The following FAT3 variants were observed in gnomAD, a reference collection of about 807,000 sequenced individuals.
FAT3 encodes the protein protocadherin Fat 3.
FAT3 carries 95 observed loss-of-function variants against 310.2 expected under a neutral mutation model. The observed-to-expected ratio is 0.31, with a 90% confidence interval of 0.26 to 0.36. FAT3 has a LOEUF of 0.36. FAT3 is among the 10% of genes least tolerant of loss of function. The pLI is 1.00. For synonymous variants in FAT3, 2,314 were observed against 2,192.9 expected, an observed-to-expected ratio of 1.06 and a Z score of -1.54; for missense variants, 5,408 against 5,715.6, an observed-to-expected ratio of 0.95 and a Z score of 1.74.
At chr11:92,614,392 C>T (rs568565525) in intron 3 of FAT3, among the ~76,000 whole-genome samples, 1 of 152,300 alleles carries the variant, frequency 6.6e-6, no homozygotes, top group African/African-American at 2.4e-5. Flanking sequence ...CATTTCCCAA[C>T]ATTTTTATCA....
At chr11:92,365,662 A>G (rs980518986) in intron 2 of FAT3, among the ~76,000 whole-genome samples, 4 of 152,222 alleles carry the variant, frequency 2.6e-5, no homozygotes, top group Non-Finnish European at 5.9e-5. Context: ...CCTGTGTGGC[A>G]GGGCCAAGCA....
chr11:92,304,575 C>T (rs925154741), intron 1 of FAT3, among the ~76,000 whole-genome samples: 1 of 152,026 alleles, frequency 6.6e-6, no homozygotes, highest in African/African-American at 2.4e-5. Context: ...ATACTCAAAC[C>T]ACCTCTGCAG....
chr11:92,272,981 A>G lies in FAT3; in HGVS notation c.-18+47807A>G, dbSNP rs114423844. Among the ~76,000 whole-genome samples the G allele has an allele frequency of 6.5e-3, 983 of 152,228 alleles. 15 individuals carry two copies. Among genetic ancestry groups the G allele is most frequent in the African/African-American group, 0.022 (918 of 41,546 alleles). On this transcript the variant is annotated intron_variant, in intron 1 of 27. Transcript: ENST00000525166. Reference sequence around the variant, plus strand: ...CTTACTCCAAGGGGCCTGGAGGACTATGTTTTTTCATAAACAGATTTTTCC... The same window carrying G: ...CTTACTCCAAGGGGCCTGGAGGACTGTGTTTTTTCATAAACAGATTTTTCC...
At chr11:92,362,056 T>C (rs906953755) in intron 2 of FAT3, among the ~76,000 whole-genome samples, 1 of 152,216 alleles carries the variant, frequency 6.6e-6, no homozygotes, top group Non-Finnish European at 1.5e-5. Context: ...ATTTTCTTTT[T>C]TTTCTATATC....
At chr11:92,805,417 T>G in intron 11 of FAT3, 68 bp downstream of exon 11, 1 of 1,492,082 alleles carries the variant, frequency 6.7e-7, no homozygotes, top group African/African-American at 1.4e-5. Context: ...CCCATTTCAC[T>G]TTTCTTCTTA....
intron 3 of FAT3, among the ~76,000 whole-genome samples, chr11:92,626,311 T>C (rs1345824996): frequency 6.6e-6 from 1 of 152,230 alleles, no homozygotes; most frequent in Non-Finnish European, 1.5e-5. Context: ...TAGCCTGATT[T>C]AATTCCCTGA....
chr11:92,872,325 A>C (rs1310545174), intron 22 of FAT3, among the ~76,000 whole-genome samples: 2 of 152,236 alleles, frequency 1.3e-5, no homozygotes, highest in East Asian at 3.9e-4. Context: ...AATGGATGCC[A>C]CTGGTGTGGC....
intron 2 of FAT3, among the ~76,000 whole-genome samples, chr11:92,424,216 T>G (rs1379149193): frequency 6.6e-6 from 1 of 152,154 alleles, no homozygotes; most frequent in Non-Finnish European, 1.5e-5. Flanking sequence ...GTTGTGACCT[T>G]GTGGTTTCTT....
At chr11:92,272,148 A>G (rs1946138437) in intron 1 of FAT3, among the ~76,000 whole-genome samples, 1 of 152,110 alleles carries the variant, frequency 6.6e-6, no homozygotes, top group Non-Finnish European at 1.5e-5. Flanking sequence ...CACACATCAG[A>G]TGGAGAGGTG....
chr11:92,655,211 G>C (rs75602981), intron 3 of FAT3, among the ~76,000 whole-genome samples: 1 of 130,700 alleles, frequency 7.7e-6, no homozygotes, highest in South Asian at 2.1e-4. Flanking sequence ...ATAGGTAAAT[G>C]AATGAATGAA....
At position 92,435,245 on chromosome 11, in the gene FAT3, C is replaced by T. The variant is rs1485425171; in HGVS notation, c.3292+79841C>T. Among the ~76,000 whole-genome samples the T allele has an allele frequency of 5.3e-5, 8 of 152,120 alleles. 1 individual carries two copies. The highest frequency in any genetic ancestry group is 2.1e-4 in the South Asian group (1 of 4,814). ...TCCTGATTCCCTAGCTCAGAACTCA[C>T]ATTCAGGGATGTCTGCCAGAGTCAT... On this transcript the variant is annotated intron_variant, in intron 2 of 27. Coordinates refer to ENST00000525166, the MANE Select transcript of FAT3 (RefSeq NM_001367949.2).
At chr11:92,658,115 G>A (rs534374048) in intron 3 of FAT3, among the ~76,000 whole-genome samples, 1 of 152,208 alleles carries the variant, frequency 6.6e-6, no homozygotes, top group African/African-American at 2.4e-5. Context: ...TTTATACTAA[G>A]TCGTCAAAAT....
chr11:92,521,242 T>C (rs575755864), intron 2 of FAT3, among the ~76,000 whole-genome samples: 2 of 151,834 alleles, frequency 1.3e-5, no homozygotes, highest in African/African-American at 4.9e-5. Context: ...CTTGATTTTA[T>C]TGCTTATTGA....
chr11:92,321,620 G>C (rs898437165), intron 1 of FAT3, among the ~76,000 whole-genome samples: 2 of 152,128 alleles, frequency 1.3e-5, no homozygotes, highest in Non-Finnish European at 2.9e-5. Flanking sequence ...CCTTCAAAGA[G>C]GTTTGCCTTT....
At chr11:92,803,273 T>C (rs1947414976) in intron 10 of FAT3, among the ~76,000 whole-genome samples, 1 of 152,210 alleles carries the variant, frequency 6.6e-6, no homozygotes, top group Non-Finnish European at 1.5e-5. Flanking sequence ...ACCAAAGTAA[T>C]GAGTACAGAG....
At chr11:92,389,235 T>G (rs1949695371) in intron 2 of FAT3, among the ~76,000 whole-genome samples, 1 of 152,146 alleles carries the variant, frequency 6.6e-6, no homozygotes, top group African/African-American at 2.4e-5. Flanking sequence ...TGCCATAGAC[T>G]GGGTGGCTTA....
chr11:92,563,054 C>T (rs992769187), intron 3 of FAT3, among the ~76,000 whole-genome samples: 4 of 152,112 alleles, frequency 2.6e-5, no homozygotes, highest in African/African-American at 9.7e-5. Context: ...ATTTTTTGAA[C>T]AGCTTTGAAT....
chr11:92,736,605 C>T (rs918859723), intron 4 of FAT3, among the ~76,000 whole-genome samples: 5 of 152,200 alleles, frequency 3.3e-5, no homozygotes, highest in African/African-American at 1.2e-4. Flanking sequence ...TCTATACCTT[C>T]TCTGTGAACC....
chr11:92,705,828 G>A (rs1490811086), intron 4 of FAT3, among the ~76,000 whole-genome samples: 3 of 3,440 alleles, frequency 8.7e-4, no homozygotes, highest in South Asian at 9.8e-3. Context: ...TGATGGTGGT[G>A]GTGATGGTGG....
Sources: gnomAD v4.1 joint callset for allele counts (sites outside exome capture counted in the v4.1 genomes callset) on GRCh38, gnomAD v4.1.1 for gene constraint, MANE v1.5 for transcripts, NCBI Gene and HGNC (gene_info 2026-07-23, HGNC 2026-07-21) for gene names.